Variants in RAB33A observed in about 807,000 individuals in gnomAD.
RAB33A encodes the protein ras-related protein Rab-33A.
In RAB33A, 6 loss-of-function variants were observed where a neutral mutation model predicts 12.0. That is an observed-to-expected ratio of 0.50 (90% CI 0.27 to 0.99). The LOEUF (loss-of-function observed/expected upper bound fraction) is 0.99, where lower values mean the gene tolerates loss of function less well. Ranked by LOEUF, RAB33A falls within the 50% of genes least tolerant of loss-of-function variation. The pLI is 0.11. For synonymous variants in RAB33A, 70 were observed against 82.4 expected (o/e 0.85, Z 0.81); for missense variants, 109 against 192.0 (o/e 0.57, Z 2.55).
chrX:130,184,324 A>G lies in RAB33A; in HGVS notation c.298A>G (p.Lys100Glu). ...WDTAGQERFR[K>E]SMVEHYYRNV... The stretch of plus-strand genomic sequence containing the variant: ...CACAGCAGGTCAGGAACGTTTCCGC[A>G]AAAGCATGGTCGAGCATTACTACCG... The change falls in exon 2 of 2, where the codon AAA becomes GAA. Residue 100 changes from lysine (K) to glutamate (E), a missense_variant. Physicochemically the swap from Lys to Glu is moderately conservative, Grantham distance 56. Transcript: ENST00000257017. 8.3e-7 allele frequency: 1 copy of G among 1,211,859 alleles called. No homozygotes were observed. Among genetic ancestry groups the G allele is most frequent in the African/African-American group, 1.7e-5 (1 of 57,925 alleles).
the RAB33A span, among the ~76,000 whole-genome samples, chrX:130,163,467 A>T: frequency 9.3e-3 from 1,040 of 111,976 alleles, 13 homozygotes; most frequent in African/African-American, 0.032. Flanking sequence ...AAACAGAGTT[A>T]ATTCCTAAAA....
the RAB33A span, chrX:130,156,533 T>A: frequency 4.1e-6 from 5 of 1,211,747 alleles, no homozygotes; most frequent in Non-Finnish European, 5.6e-6. Flanking sequence ...TGCCCCCTGA[T>A]GCACCAGAGC....
the RAB33A span, among the ~76,000 whole-genome samples, chrX:130,118,705 G>A: frequency 8.9e-6 from 1 of 111,764 alleles, no homozygotes; most frequent in East Asian, 2.8e-4. Context: ...GTGTGAGGGT[G>A]TATGAGTGTG....
chrX:130,161,609 CTTT>C, the RAB33A span, among the ~76,000 whole-genome samples: 1 of 96,537 alleles, frequency 1.0e-5, no homozygotes, highest in Non-Finnish European at 2.1e-5. Flanking sequence ...ATTTATCAGC[CTTT>C]TTTTTTTTTT....
In RAB33A at chrX:130,175,467, G is replaced by A. The variant is rs1211404596; in HGVS notation, c.258+3147G>A. ...GATGTCTCCTTCAATTTGTATCCAGGACACACAGAACTCAACTGGGTTTAC... is the reference window on the plus strand; with the variant it reads ...GATGTCTCCTTCAATTTGTATCCAGAACACACAGAACTCAACTGGGTTTAC... On this transcript the variant is annotated intron_variant, in intron 1 of 1. Transcript: ENST00000257017. 2.8e-5 allele frequency among the ~76,000 whole-genome samples: 3 copies of A among 107,453 alleles called. No individual in the cohort carries two copies. In the South Asian group the frequency reaches 1.2e-3, roughly 43 times the overall value. 93.3% of individuals were successfully genotyped at this position (107,453 alleles called of 115,157 possible). A position where few individuals can be genotyped will look rare whatever the true frequency, so the allele number is the denominator to read the frequency against.
chrX:130,163,304 C>CA, the RAB33A span, among the ~76,000 whole-genome samples: 1,217 of 66,674 alleles, frequency 0.018, 16 homozygotes, highest in Middle Eastern at 0.03. Flanking sequence ...GACTCCGCCT[C>CA]AAAAAAAAAA....
At chrX:130,138,398 G>C in the RAB33A span, among the ~76,000 whole-genome samples, 10 of 111,476 alleles carry the variant, frequency 9.0e-5, no homozygotes, top group African/African-American at 3.3e-4. Context: ...CCGGGAAGCG[G>C]AGCTTGCAGT....
the RAB33A span, chrX:130,137,522 A>G: frequency 6.0e-6 from 7 of 1,164,939 alleles, no homozygotes; most frequent in Non-Finnish European, 8.0e-6. Context: ...CTGATTTCAT[A>G]TATCTGAAAA....
At chrX:130,139,333 A>G in the RAB33A span, among the ~76,000 whole-genome samples, 2 of 103,101 alleles carry the variant, frequency 1.9e-5, no homozygotes, top group Admixed American at 1.0e-4. Context: ...TTCAGTCTCG[A>G]AAAAAAAAAA....
the RAB33A span, among the ~76,000 whole-genome samples, chrX:130,124,965 G>GCC: frequency 2.7e-5 from 3 of 112,084 alleles, no homozygotes; most frequent in African/African-American, 9.7e-5. Flanking sequence ...ACCAGGATGG[G>GCC]GGTGGGGGTT....
At chrX:130,173,330 T>C (rs1458511123) in intron 1 of RAB33A, among the ~76,000 whole-genome samples, 1 of 111,774 alleles carries the variant, frequency 8.9e-6, no homozygotes, top group Non-Finnish European at 1.9e-5. Flanking sequence ...ACAACTCCTC[T>C]AGGCTCACAG....
At chrX:130,148,905 GC>G in the RAB33A span, among the ~76,000 whole-genome samples, 1 of 91,732 alleles carries the variant, frequency 1.1e-5, no homozygotes. Context: ...TCCTTGCTAA[GC>G]TTGCCTTTTA....
the RAB33A span, among the ~76,000 whole-genome samples, chrX:130,152,336 A>G: frequency 1.8e-5 from 2 of 110,824 alleles, no homozygotes; most frequent in Non-Finnish European, 3.8e-5. Context: ...GGCAAGAATG[A>G]GGTCGATCTG....
the RAB33A span, among the ~76,000 whole-genome samples, chrX:130,113,074 C>T: frequency 3.3e-4 from 18 of 55,299 alleles, no homozygotes; most frequent in African/African-American, 5.4e-4. Flanking sequence ...TTTTTTTTTC[C>T]TTCTTTTTTT....
the RAB33A span, among the ~76,000 whole-genome samples, chrX:130,127,691 C>CTTTTTTT: frequency 0.38 from 29,138 of 76,336 alleles, 5,369 homozygotes; most frequent in African/African-American, 0.55. Flanking sequence ...ATGAGTTTTC[C>CTTTTTTT]TTTTTTTTTT....
upstream of RAB33A, among the ~76,000 whole-genome samples, chrX:130,170,946 TCTC>T (rs779229507): frequency 3.6e-5 from 4 of 112,436 alleles, no homozygotes; most frequent in South Asian, 3.6e-4. Flanking sequence ...TTCCCCCCCT[TCTC>T]CTAGCCTCTG....
the RAB33A span, chrX:130,130,104 T>C: frequency 5.0e-6 from 6 of 1,211,992 alleles, no homozygotes; most frequent in Non-Finnish European, 6.7e-6. Flanking sequence ...GCCGGGGTGC[T>C]GGGAGGAATA....
the RAB33A span, among the ~76,000 whole-genome samples, chrX:130,124,909 G>A: frequency 1.8e-5 from 2 of 111,969 alleles, no homozygotes; most frequent in Non-Finnish European, 3.8e-5. Context: ...AGACAAGAGC[G>A]AGGCTGAAGC....
At chrX:130,113,220 A>G in the RAB33A span, among the ~76,000 whole-genome samples, 1 of 104,098 alleles carries the variant, frequency 9.6e-6, no homozygotes, top group East Asian at 3.1e-4. Context: ...AGCTGGGACT[A>G]CAGGAACCCG....
Sources: allele counts gnomAD v4.1 joint callset (sites outside exome capture counted in the v4.1 genomes callset), GRCh38; gene constraint gnomAD v4.1.1; transcripts MANE v1.5; gene names NCBI Gene and HGNC (gene_info 2026-07-23, HGNC 2026-07-21).